Variants in CDH4 observed in about 807,000 individuals in gnomAD.
The protein encoded by CDH4 is cadherin-4.
CDH4 carries 33 observed loss-of-function variants against 86.0 expected under a neutral mutation model. That is an observed-to-expected ratio of 0.38 (90% confidence interval 0.29 to 0.51). CDH4 has a LOEUF of 0.51. Among genes scored for constraint, CDH4 ranks in the 20% least tolerant of loss-of-function variants. The pLI, the probability that CDH4 is intolerant of heterozygous loss-of-function variation, is 0.86. For synonymous variants in CDH4, 555 were observed against 549.4 expected (o/e 1.01, Z -0.14); for missense variants, 1,114 against 1,307.4 (o/e 0.85, Z 2.28).
intron 2 of CDH4, among the ~76,000 whole-genome samples, chr20:61,298,309 G>A (rs2084367810): frequency 6.6e-6 from 1 of 152,118 alleles, no homozygotes; most frequent in Non-Finnish European, 1.5e-5. Flanking sequence ...GTAATTCTCG[G>A]GGATTAGACG....
intron 3 of CDH4, among the ~76,000 whole-genome samples, chr20:61,758,145 A>C (rs1031132754): frequency 1.3e-5 from 2 of 152,190 alleles, no homozygotes; most frequent in Non-Finnish European, 2.9e-5. Context: ...GAGGGGTACC[A>C]AGCCCCGGGA....
intron 3 of CDH4, among the ~76,000 whole-genome samples, chr20:61,745,650 G>A (rs882898): frequency 0.19 from 29,049 of 151,986 alleles, 2,953 homozygotes; most frequent in East Asian, 0.26. Context: ...TACAAGCCAC[G>A]CCCTGGTGAG....
intron 2 of CDH4, among the ~76,000 whole-genome samples, chr20:61,394,737 A>G (rs1313447585): frequency 6.6e-6 from 1 of 151,698 alleles, no homozygotes; most frequent in African/African-American, 2.4e-5. Context: ...AAAAGGAGCC[A>G]GCAAATCCAT....
intron 9 of CDH4, among the ~76,000 whole-genome samples, chr20:61,920,731 C>T (rs561690462): frequency 1.7e-3 from 228 of 137,348 alleles, no homozygotes; most frequent in East Asian, 5.7e-3. Flanking sequence ...TGCATGGAAG[C>T]GTGGTGTGGT....
chr20:61,541,584 G>A (rs1241916943), intron 2 of CDH4, among the ~76,000 whole-genome samples: 2 of 152,254 alleles, frequency 1.3e-5, no homozygotes, highest in Non-Finnish European at 2.9e-5. Context: ...GAATAAGACC[G>A]GTGTAGAAAA....
chr20:61,329,787 A>G (rs2084561595), intron 2 of CDH4, among the ~76,000 whole-genome samples: 1 of 152,148 alleles, frequency 6.6e-6, no homozygotes, highest in South Asian at 2.1e-4. Context: ...CCTATCACCC[A>G]TCCCCTAGGT....
intron 2 of CDH4, among the ~76,000 whole-genome samples, chr20:61,568,380 C>T (rs1003903921): frequency 2.6e-5 from 4 of 152,182 alleles, no homozygotes; most frequent in East Asian, 1.9e-4. Flanking sequence ...TCCTTGCTGC[C>T]GCCATGTGAA....
intron 2 of CDH4, among the ~76,000 whole-genome samples, chr20:61,736,172 G>T (rs1333159277): frequency 6.6e-6 from 1 of 152,198 alleles, no homozygotes. Flanking sequence ...CGAAGGTGTA[G>T]GTTATCTCGC....
chr20:61,696,734 A>T (rs964537571), intron 2 of CDH4, among the ~76,000 whole-genome samples: 2 of 152,202 alleles, frequency 1.3e-5, no homozygotes, highest in Non-Finnish European at 2.9e-5. Flanking sequence ...AGTGGGCTGA[A>T]TGGAGGCCCC....
rs965297608 is a variant in CDH4 at position 61,754,669 on chromosome 20, G to A, written c.396+10880G>A. On this transcript the variant is annotated intron_variant, in intron 3 of 15. Coordinates refer to ENST00000614565, the MANE Select transcript of CDH4 (RefSeq NM_001794.5). The surrounding 1 kb of genome is among the most constrained non-coding windows in gnomAD (Gnocchi z 4.7). ...CACACACCACACGCACACACGCCCCGCACACACTATGCACACCACACACAC... is the reference window on the plus strand; with the variant it reads ...CACACACCACACGCACACACGCCCCACACACACTATGCACACCACACACAC... Among the ~76,000 whole-genome samples the A allele has an allele frequency of 1.5e-4, 18 of 122,040 alleles. No homozygotes were observed. Among genetic ancestry groups the A allele is most frequent in the Admixed American group, 9.4e-4 (11 of 11,684 alleles). 80.1% of individuals were successfully genotyped at this position (122,040 alleles called of 152,430 possible). A position where few individuals can be genotyped will look rare whatever the true frequency, so the allele number is the denominator to read the frequency against.
intron 2 of CDH4, among the ~76,000 whole-genome samples, chr20:61,648,611 A>C (rs923232538): frequency 6.6e-6 from 1 of 152,208 alleles, no homozygotes; most frequent in Non-Finnish European, 1.5e-5. Context: ...AGAGTCTCTC[A>C]TCATTCCTTT....
intron 2 of CDH4, among the ~76,000 whole-genome samples, chr20:61,638,046 A>AAAAAAT (rs1447793317): frequency 6.6e-6 from 1 of 151,848 alleles, no homozygotes; most frequent in Admixed American, 6.6e-5. Flanking sequence ...AAAAATGAAG[A>AAAAAAT]GAGGAGAGGA....
intron 2 of CDH4, among the ~76,000 whole-genome samples, chr20:61,388,441 GTC>G (rs11471128): frequency 0.36 from 54,255 of 151,904 alleles, 11,012 homozygotes; most frequent in East Asian, 0.79. Context: ...CCCAGAAGTG[GTC>G]TCATGTCATA....
rs2088797825 is a variant in CDH4, at chr20:61,773,149, C to T, written c.543C>T (p.Asn181=). The T allele has an allele frequency of 5.6e-6, 9 of 1,595,220 alleles. No homozygotes were observed. The highest frequency in any genetic ancestry group is 7.7e-6 in the Non-Finnish European group (9 of 1,171,346). ...TCCCGCCCATCAACGTGCCCGAGAACTCGCGCGGGCCCTTCCCGCAGCAGC... is the reference window on the plus strand; with the variant it reads ...TCCCGCCCATCAACGTGCCCGAGAATTCGCGCGGGCCCTTCCCGCAGCAGC... ...WVIPPINVPE[N]SRGPFPQQLV... The change falls in exon 4 of 16, where the codon AAC becomes AAT. Residue 181 remains asparagine, a synonymous_variant. Transcript: ENST00000614565.
chr20:61,423,872 G>C (rs2085194123), intron 2 of CDH4, among the ~76,000 whole-genome samples: 1 of 151,554 alleles, frequency 6.6e-6, no homozygotes, highest in African/African-American at 2.4e-5. Flanking sequence ...CTGGCCTCTG[G>C]CGGCATCCTC....
chr20:61,261,051 CCT>C (rs2084125273), intron 2 of CDH4, among the ~76,000 whole-genome samples: 1 of 152,208 alleles, frequency 6.6e-6, no homozygotes, highest in Admixed American at 6.5e-5. Flanking sequence ...GCCACTTGCC[CCT>C]GTGTGCAGCT....
At chr20:61,303,843 G>T (rs3893405) in intron 2 of CDH4, among the ~76,000 whole-genome samples, 1 of 152,150 alleles carries the variant, frequency 6.6e-6, no homozygotes, top group African/African-American at 2.4e-5. Context: ...TGGAAAGCGA[G>T]CCTTCAGCAG....
chr20:61,383,841 GCGT>G, intron 2 of CDH4, among the ~76,000 whole-genome samples: 1 of 89,834 alleles, frequency 1.1e-5, no homozygotes, highest in Non-Finnish European at 2.4e-5. Flanking sequence ...AGATATATAT[GCGT>G]ATATATGAAG....
chr20:61,761,522 C>G (rs1382366581), intron 3 of CDH4, among the ~76,000 whole-genome samples: 3 of 152,066 alleles, frequency 2.0e-5, no homozygotes, highest in Non-Finnish European at 4.4e-5. Flanking sequence ...CATATTTACC[C>G]AAACATTAGA....
Sources: allele counts gnomAD v4.1 joint callset (sites outside exome capture counted in the v4.1 genomes callset), GRCh38; gene constraint gnomAD v4.1.1; non-coding constraint Gnocchi (gnomAD v3.1); transcripts MANE v1.5; gene names NCBI Gene and HGNC (gene_info 2026-07-23, HGNC 2026-07-21).